SFRP1: variants seen among roughly 807,000 people sequenced by gnomAD.
SFRP1 encodes the protein secreted frizzled-related protein 1.
SFRP1 carries 9 observed loss-of-function variants against 25.9 expected under a neutral mutation model. The observed-to-expected ratio is 0.35, with a 90% CI of 0.21 to 0.61. The LOEUF (loss-of-function observed/expected upper bound fraction) is 0.61, where lower values mean the gene tolerates loss of function less well. Among genes scored for constraint, SFRP1 ranks in the 20% least tolerant of loss-of-function variants. The pLI, the probability that SFRP1 is intolerant of heterozygous loss-of-function variation, is 0.78. For missense variants in SFRP1, 346 were observed against 418.2 expected (o/e 0.83, Z 1.51); for synonymous variants, 178 against 174.0 (o/e 1.02, Z -0.18).
intron 1 of SFRP1, chr8:41,307,079 C>CCTG: frequency 7.6e-7 from 1 of 1,320,670 alleles, no homozygotes; most frequent in East Asian, 2.7e-5. Context: ...CAGGGCTGGG[C>CCTG]TAATCCCCGC....
intron 2 of SFRP1, among the ~76,000 whole-genome samples, chr8:41,270,366 C>T (rs1481902134): frequency 6.6e-6 from 1 of 152,026 alleles, no homozygotes; most frequent in Non-Finnish European, 1.5e-5. Flanking sequence ...TTTTGTATGA[C>T]AGAAAGCAAA....
In SFRP1 at chr8:41,308,633, T is replaced by G; in HGVS notation, c.527A>C (p.Glu176Ala). ...CIAMTPPNAT[E>A]ASKPQGTTVC... ...AGCCTTACCTTGGGGCTTGGAGGCTTCGGTGGCATTGGGCGGCGTCATGGC... is the reference window on the plus strand; with the variant it reads ...AGCCTTACCTTGGGGCTTGGAGGCTGCGGTGGCATTGGGCGGCGTCATGGC... Residue 176 changes from glutamate to alanine, a missense_variant, in exon 1 of 3, where the codon GAA becomes GCA. Transcript: ENST00000220772. 6.2e-7 allele frequency: 1 copy of G among 1,602,722 alleles called. No homozygotes were observed.
intron 2 of SFRP1, among the ~76,000 whole-genome samples, chr8:41,303,125 C>T (rs1378274641): frequency 6.6e-6 from 1 of 151,030 alleles, no homozygotes; most frequent in Non-Finnish European, 1.5e-5. Context: ...CAGGTGGCAA[C>T]TTGTACTCCC....
chr8:41,293,674 G>T (rs1351515634), intron 2 of SFRP1, among the ~76,000 whole-genome samples: 2 of 151,944 alleles, frequency 1.3e-5, no homozygotes, highest in Non-Finnish European at 2.9e-5. Context: ...ACGCACAAAG[G>T]CATCTGAAGT....
intron 2 of SFRP1, among the ~76,000 whole-genome samples, chr8:41,288,481 G>A (rs1461388378): frequency 7.1e-6 from 1 of 140,016 alleles, no homozygotes; most frequent in Non-Finnish European, 1.5e-5. Context: ...AGGCTGCACT[G>A]AGCCATGATA....
intron 2 of SFRP1, chr8:41,275,407 T>C (rs984809577): frequency 4.2e-6 from 1 of 237,016 alleles, no homozygotes; most frequent in African/African-American, 2.4e-5. Context: ...ACTTGCTTTT[T>C]CCCTAAATTG....
chr8:41,284,723 CT>C (rs1219745469), intron 2 of SFRP1, among the ~76,000 whole-genome samples: 3 of 152,248 alleles, frequency 2.0e-5, no homozygotes, highest in Non-Finnish European at 4.4e-5. Context: ...GGGGTCTCCC[CT>C]GCCTCCTCTG....
At chr8:41,286,370 C>T (rs146831520) in intron 2 of SFRP1, among the ~76,000 whole-genome samples, 50 of 152,326 alleles carry the variant, frequency 3.3e-4, no homozygotes, top group African/African-American at 1.1e-3. Flanking sequence ...CCGCCTCCCC[C>T]GCCGCACAAA....
chr8:41,266,061 G>A (rs1305433658), intron 2 of SFRP1, among the ~76,000 whole-genome samples: 2 of 151,960 alleles, frequency 1.3e-5, no homozygotes, highest in African/African-American at 4.8e-5. Flanking sequence ...AGCTACTAAG[G>A]AGGCTGAGGC....
intron 2 of SFRP1, among the ~76,000 whole-genome samples, chr8:41,287,636 G>A (rs376464708): frequency 1.3e-5 from 2 of 152,204 alleles, no homozygotes; most frequent in African/African-American, 2.4e-5. Flanking sequence ...TGCTCTCCCT[G>A]TGAGTCCACA....
intron 2 of SFRP1, among the ~76,000 whole-genome samples, chr8:41,295,628 CCT>C (rs915835037): frequency 5.9e-5 from 9 of 152,130 alleles, no homozygotes; most frequent in African/African-American, 2.2e-4. Flanking sequence ...GTCCATCCAC[CCT>C]CTCACTTAAA....
chr8:41,282,904 G>T (rs914164153), intron 2 of SFRP1, among the ~76,000 whole-genome samples: 2 of 151,994 alleles, frequency 1.3e-5, no homozygotes, highest in African/African-American at 2.4e-5. Context: ...TGCACTGATC[G>T]GGCCAAAATA....
intron 2 of SFRP1, among the ~76,000 whole-genome samples, chr8:41,290,538 CT>C: frequency 6.6e-6 from 1 of 152,330 alleles, no homozygotes; most frequent in South Asian, 2.1e-4. Flanking sequence ...TAAGTATGAG[CT>C]GATTACAGGC....
At chr8:41,305,625 G>A (rs777820477) in intron 1 of SFRP1, among the ~76,000 whole-genome samples, 10 of 152,222 alleles carry the variant, frequency 6.6e-5, no homozygotes, top group Non-Finnish European at 1.5e-4. Context: ...CTTCTGAGAG[G>A]TGGAACTAAA....
intron 1 of SFRP1, among the ~76,000 whole-genome samples, chr8:41,305,349 C>T (rs146631808): frequency 6.6e-6 from 1 of 152,336 alleles, no homozygotes; most frequent in East Asian, 1.9e-4. Flanking sequence ...CCAAGGAGGG[C>T]TCTGCACTTC....
intron 2 of SFRP1, among the ~76,000 whole-genome samples, chr8:41,294,464 C>T (rs191755783): frequency 5.1e-4 from 78 of 152,288 alleles, no homozygotes; most frequent in African/African-American, 1.8e-3. Flanking sequence ...AAATCCCCCT[C>T]GTAATCCTGC....
At chr8:41,265,580 C>G in intron 2 of SFRP1, 91 bp from the exon 3 acceptor site, 1 of 848,456 alleles carries the variant, frequency 1.2e-6, no homozygotes. Context: ...AAAGTGATTG[C>G]ATTTTATTAT....
At position 41,309,369 on chromosome 8, in the gene SFRP1, G is replaced by A. The variant is rs1018393999; in HGVS notation, c.-210C>T. 2.1e-5 allele frequency: 7 copies of A among 338,462 alleles called. No homozygotes were observed. Among genetic ancestry groups the A allele is most frequent in the African/African-American group, 8.8e-5 (4 of 45,374 alleles). The allele number at this position is 338,462 out of a possible 1,614,324, so 21.0% of individuals were successfully genotyped here. A position where few individuals can be genotyped will look rare whatever the true frequency, so the allele number is the denominator to read the frequency against. On this transcript the variant is annotated 5_prime_UTR_variant, in exon 1 of 3. Transcript: ENST00000220772. ...GAGGCGGCGCGGGCGGGGAGGCGGC[G>A]CTGCGGGCTGGGTGCGCCCCGGCTC...
chr8:41,293,492 T>A (rs566013323), intron 2 of SFRP1, among the ~76,000 whole-genome samples: 1 of 152,232 alleles, frequency 6.6e-6, no homozygotes, highest in Non-Finnish European at 1.5e-5. Context: ...TTGTTTTGAG[T>A]CTTTACTCCC....
Sources: gnomAD v4.1 joint callset for allele counts (sites outside exome capture counted in the v4.1 genomes callset) on GRCh38, gnomAD v4.1.1 for gene constraint, MANE v1.5 for transcripts, NCBI Gene and HGNC (gene_info 2026-07-23, HGNC 2026-07-21) for gene names.